The following SLC43A1 variants were observed in gnomAD, a reference collection of about 807,000 sequenced individuals.
SLC43A1 encodes the protein large neutral amino acids transporter small subunit 3.
A neutral mutation model predicts 59.5 loss-of-function variants in SLC43A1; 31 were observed. That is an observed-to-expected ratio of 0.52 (90% confidence interval 0.39 to 0.70). The LOEUF (loss-of-function observed/expected upper bound fraction) is 0.70, where lower values mean the gene tolerates loss of function less well. SLC43A1 is among the 30% of genes least tolerant of loss of function. The probability of loss-of-function intolerance (pLI) is 0.00; values close to 1 mark genes in which losing one functional copy is unlikely to be tolerated. For missense variants in SLC43A1, 598 were observed against 717.8 expected, an observed-to-expected ratio of 0.83 and a Z score of 1.91; for synonymous variants, 259 against 290.9, an observed-to-expected ratio of 0.89 and a Z score of 1.12.
intron 7 of SLC43A1, among the ~76,000 whole-genome samples, chr11:57,495,738 C>T (rs900383709): frequency 6.6e-6 from 1 of 152,070 alleles, no homozygotes. Flanking sequence ...GGGAGAGGTT[C>T]GCTTGAGCCC....
intron 2 of SLC43A1, among the ~76,000 whole-genome samples, chr11:57,505,605 C>G (rs757814866): frequency 6.6e-6 from 1 of 151,976 alleles, no homozygotes; most frequent in African/African-American, 2.4e-5. Flanking sequence ...ATATGTATAA[C>G]GTGTGGGGGT....
In SLC43A1 at chr11:57,488,944, A is replaced by C; in HGVS notation, c.1381T>G (p.Ser461Ala). 6.2e-7 allele frequency: 1 copy of C among 1,614,168 alleles called. No homozygotes were observed. The highest frequency in any genetic ancestry group is 8.5e-7 in the Non-Finnish European group (1 of 1,179,986). ...LHTIVRGFFHSACGSLYAAVF... is the reference protein window; with the variant it reads ...LHTIVRGFFHAACGSLYAAVF... ...GCAGCATAGAGACTCCCACAGGCTG[A>C]GTGGAAGAAACCTCGAACAATGGTG... Residue 461 changes from serine to alanine, a missense_variant, in exon 13 of 15, where the codon TCA becomes GCA. Coordinates refer to ENST00000278426, the MANE Select transcript of SLC43A1 (RefSeq NM_003627.6).
At chr11:57,486,884 GCTGAGATATC>G (rs1231891750) in intron 14 of SLC43A1, among the ~76,000 whole-genome samples, 3 of 152,158 alleles carry the variant, frequency 2.0e-5, no homozygotes, top group Non-Finnish European at 4.4e-5. Flanking sequence ...CTACAGTCAG[GCTGAGATATC>G]CTGATTCAGG....
intron 2 of SLC43A1, among the ~76,000 whole-genome samples, chr11:57,503,662 C>A (rs1362500252): frequency 3.9e-5 from 6 of 152,222 alleles, no homozygotes; most frequent in Non-Finnish European, 8.8e-5. Context: ...TCATTCTACA[C>A]CCACTTACTG....
chr11:57,513,963 C>A lies in SLC43A1; in HGVS notation c.149G>T (p.Cys50Phe). 1.3e-6 allele frequency: 1 copy of A among 778,038 alleles called. No homozygotes were observed. The highest frequency in any genetic ancestry group is 2.0e-6 in the Non-Finnish European group (1 of 494,974). 48.2% of individuals were successfully genotyped at this position (778,038 alleles called of 1,614,324 possible). The change falls in exon 2 of 15, where the codon TGC becomes TTC. Residue 50 changes from cysteine (C) to phenylalanine (F), a missense_variant. By Grantham distance (205) the Cys-to-Phe change is radical (BLOSUM62 -2). Transcript: ENST00000278426. The part of the protein sequence containing the change: ...LKNEGFYSST[C>F]PAESSTNTTQ... ...CAGCCCATTTTCAGGCATACCTGGG[C>A]ACGTGCTGGAATAGAAGCCCTCGTT... is the stretch of plus-strand genomic sequence containing the variant.
intron 2 of SLC43A1, 60 bp downstream of exon 2, chr11:57,513,898 C>G (rs1051881419): frequency 4.3e-6 from 6 of 1,397,434 alleles, no homozygotes; most frequent in Non-Finnish European, 5.0e-6. Flanking sequence ...CCTTTTCTGG[C>G]TTCCACCTGC....
chr11:57,493,415 GA>G (rs1271065655), intron 8 of SLC43A1, among the ~76,000 whole-genome samples: 1 of 130,330 alleles, frequency 7.7e-6, no homozygotes, highest in East Asian at 2.3e-4. Flanking sequence ...AAGAGGTAAG[GA>G]AATCAAGAGC....
chr11:57,505,613 G>A (rs573058731), intron 2 of SLC43A1, among the ~76,000 whole-genome samples: 1 of 152,124 alleles, frequency 6.6e-6, no homozygotes, highest in Non-Finnish European at 1.5e-5. Context: ...AACGTGTGGG[G>A]GTGGGTAACA....
intron 11 of SLC43A1, 150 bp from the exon 12 acceptor site, chr11:57,489,542 C>T: frequency 1.1e-6 from 1 of 907,222 alleles, no homozygotes; most frequent in Non-Finnish European, 1.7e-6. Flanking sequence ...CCCATAGAAA[C>T]CCACGTTCTC....
At position 57,515,143 on chromosome 11, in the gene SLC43A1, C is replaced by T. The variant is rs377606466; in HGVS notation, c.-14+301G>A. On this transcript the variant is annotated intron_variant, in intron 1 of 14. Transcript: ENST00000278426. This position sits in a 1 kb window ranked among gnomAD's most constrained non-coding sequence, Gnocchi z 5.3. Reference sequence around the variant, plus strand: ...GGACTCGGTATTCTCATCTGTGAAACGGGGCTTTGGGTTCAAGCGCTCCAG... The same window carrying T: ...GGACTCGGTATTCTCATCTGTGAAATGGGGCTTTGGGTTCAAGCGCTCCAG... The T allele has an allele frequency of 3.1e-5, 28 of 917,620 alleles. No individual in the cohort carries two copies. The East Asian group carries it at 2.0e-3, about 66-fold the overall frequency. 56.8% of individuals were successfully genotyped at this position (917,620 alleles called of 1,614,324 possible).
chr11:57,495,910 A>G (rs541901837), intron 7 of SLC43A1, 121 bp downstream of exon 7: 3 of 1,141,778 alleles, frequency 2.6e-6, no homozygotes, highest in East Asian at 2.6e-5. Flanking sequence ...GGAGGGCTCA[A>G]GCGATTTGCC....
At position 57,514,770 on chromosome 11, in the gene SLC43A1, C is replaced by G. The variant is rs1440091746; in HGVS notation, c.-13-646G>C. ...CTCGGTTCCCTCCTCCCCCGCGCGC[C>G]CCTCACTCACTCCGCAGGGCTCGGG... On this transcript the variant is annotated intron_variant, in intron 1 of 14. Transcript: ENST00000278426. This position sits in a 1 kb window ranked among gnomAD's most constrained non-coding sequence, Gnocchi z 5.5. 4 of 975,332 alleles carry G rather than the reference C, an allele frequency of 4.1e-6. No individual in the cohort carries two copies. Among genetic ancestry groups the G allele is most frequent in the Non-Finnish European group, 4.9e-6 (4 of 820,802 alleles). The allele number at this position is 975,332 out of a possible 1,614,324, so 60.4% of individuals were successfully genotyped here.
Position 57,491,380 on chromosome 11 carries a change from G to A in SLC43A1, c.1055-18C>T. The A allele has an allele frequency of 6.3e-7, 1 of 1,577,696 alleles. No homozygotes were observed. Among genetic ancestry groups the A allele is most frequent in the Non-Finnish European group, 8.6e-7 (1 of 1,160,174 alleles). On this transcript the variant is annotated intron_variant, in intron 10 of 14. Transcript: ENST00000278426. ...GAACCCAACTGGGCAGGATGGGAAG[G>A]GCAGTGGGGTCAGGAACTGGCACTC...
intron 14 of SLC43A1, among the ~76,000 whole-genome samples, chr11:57,486,757 C>T (rs577324994): frequency 2.1e-4 from 31 of 149,898 alleles, no homozygotes; most frequent in Middle Eastern, 3.5e-3. Context: ...TGCAGTGAGC[C>T]GAGATCGCAC....
chr11:57,496,860 C>T (rs1425104647), intron 6 of SLC43A1, among the ~76,000 whole-genome samples: 1 of 152,240 alleles, frequency 6.6e-6, no homozygotes, highest in Non-Finnish European at 1.5e-5. Flanking sequence ...TAATTAATGT[C>T]TGCTCTCCCC....
At chr11:57,511,925 C>A (rs112816153) in intron 2 of SLC43A1, among the ~76,000 whole-genome samples, 6,145 of 151,992 alleles carry the variant, frequency 0.04, 411 homozygotes, top group African/African-American at 0.14. Flanking sequence ...GGGGGTGAGG[C>A]GAGTGAGTAC....
intron 2 of SLC43A1, among the ~76,000 whole-genome samples, chr11:57,505,934 T>C (rs1190163633): frequency 2.0e-5 from 3 of 152,188 alleles, no homozygotes; most frequent in African/African-American, 4.8e-5. Flanking sequence ...TTGTCACACA[T>C]ACACACACAG....
chr11:57,502,544 A>T (rs1944292710), intron 2 of SLC43A1, among the ~76,000 whole-genome samples: 1 of 152,152 alleles, frequency 6.6e-6, no homozygotes, highest in Non-Finnish European at 1.5e-5. Context: ...TGAGACAGGA[A>T]GTTCTCAGCT....
intron 13 of SLC43A1, 146 bp downstream of exon 13, chr11:57,488,770 T>C (rs1345371622): frequency 4.2e-6 from 3 of 715,292 alleles, no homozygotes; most frequent in Non-Finnish European, 7.5e-6. Flanking sequence ...CAGGATAGGC[T>C]GCCTTTAAGG....
Sources: allele counts gnomAD v4.1 joint callset (sites outside exome capture counted in the v4.1 genomes callset), GRCh38; gene constraint gnomAD v4.1.1; non-coding constraint Gnocchi (gnomAD v3.1); transcripts MANE v1.5; gene names NCBI Gene and HGNC (gene_info 2026-07-23, HGNC 2026-07-21).